The following GALNT13 variants were observed in gnomAD, a reference collection of about 807,000 sequenced individuals.
GALNT13 encodes the protein polypeptide N-acetylgalactosaminyltransferase 13.
GALNT13 carries 28 observed loss-of-function variants against 64.2 expected under a neutral mutation model. The ratio of observed to expected loss-of-function variants is 0.44; its 90% CI spans 0.32 to 0.60. The LOEUF (loss-of-function observed/expected upper bound fraction) is 0.60. GALNT13 is among the 20% of genes least tolerant of loss of function. The pLI is 0.05. For missense variants in GALNT13, 577 were observed against 669.8 expected (o/e 0.86, Z 1.53); for synonymous variants, 214 against 224.6 (o/e 0.95, Z 0.42).
chr2:153,457,256 A>C, the GALNT13 span, among the ~76,000 whole-genome samples: 1 of 152,226 alleles, frequency 6.6e-6, no homozygotes, highest in Non-Finnish European at 1.5e-5. Context: ...ACTTTCATAA[A>C]GTAGGTAAAT....
chr2:153,968,472 A>AGTAGGGG (rs1693527380), intron 3 of GALNT13, among the ~76,000 whole-genome samples: 1 of 152,160 alleles, frequency 6.6e-6, no homozygotes, highest in African/African-American at 2.4e-5. Flanking sequence ...GTTGTAGGCA[A>AGTAGGGG]TGCAAAACTC....
At chr2:153,195,436 T>G in the GALNT13 span, among the ~76,000 whole-genome samples, 766 of 152,330 alleles carry the variant, frequency 5.0e-3, 5 homozygotes, top group African/African-American at 0.018. Flanking sequence ...ACATGCTGGC[T>G]GCTGCTGCAG....
chr2:153,136,932 A>G, the GALNT13 span, among the ~76,000 whole-genome samples: 1,830 of 151,842 alleles, frequency 0.012, 41 homozygotes, highest in African/African-American at 0.04. Context: ...ACACAGCTCC[A>G]TCTGCCTGTC....
the GALNT13 span, among the ~76,000 whole-genome samples, chr2:153,411,400 A>C: frequency 6.6e-6 from 1 of 152,168 alleles, no homozygotes; most frequent in Non-Finnish European, 1.5e-5. Flanking sequence ...GGGACCACAC[A>C]GGAATGGTAC....
At chr2:153,534,085 C>A in the GALNT13 span, among the ~76,000 whole-genome samples, 1 of 152,140 alleles carries the variant, frequency 6.6e-6, no homozygotes, top group East Asian at 1.9e-4. Flanking sequence ...TTCTTGCATG[C>A]TGCCTACTTT....
rs116257227 is a variant in GALNT13, at chr2:153,887,929, C to T, written c.-176-13007C>T. ...TTGTATATTTCTTATTCTTTAAAGA[C>T]ACAGATTTTATTTTCGGTATGTGAT... is the stretch of plus-strand genomic sequence containing the variant. On this transcript the variant is annotated intron_variant, in intron 1 of 12. Coordinates refer to ENST00000392825, the MANE Select transcript of GALNT13 (RefSeq NM_052917.4). Among the ~76,000 whole-genome samples the T allele has an allele frequency of 7.4e-3, 1,128 of 152,046 alleles. 20 individuals are homozygous for T. The highest frequency in any genetic ancestry group is 0.026 in the African/African-American group (1,063 of 41,510).
At chr2:153,700,425 C>G in the GALNT13 span, among the ~76,000 whole-genome samples, 3 of 152,122 alleles carry the variant, frequency 2.0e-5, no homozygotes, top group Admixed American at 6.5e-5. Flanking sequence ...CCTTTGAAAA[C>G]TGGCACAAGA....
the GALNT13 span, among the ~76,000 whole-genome samples, chr2:153,579,223 G>A: frequency 6.6e-6 from 1 of 152,080 alleles, no homozygotes; most frequent in Non-Finnish European, 1.5e-5. Flanking sequence ...ATCTAACCAG[G>A]ACATCAAAGG....
At chr2:153,481,270 A>G in the GALNT13 span, among the ~76,000 whole-genome samples, 1 of 152,142 alleles carries the variant, frequency 6.6e-6, no homozygotes, top group African/African-American at 2.4e-5. Flanking sequence ...TATATTTATT[A>G]TTCATTCATT....
intron 9 of GALNT13, among the ~76,000 whole-genome samples, chr2:154,395,134 T>C (rs1040444775): frequency 3.3e-5 from 5 of 152,196 alleles, no homozygotes; most frequent in African/African-American, 7.2e-5. Flanking sequence ...AAGTTAAACA[T>C]TGAAATATTT....
chr2:153,759,553 T>A, the GALNT13 span, among the ~76,000 whole-genome samples: 1 of 152,050 alleles, frequency 6.6e-6, no homozygotes, highest in South Asian at 2.1e-4. Flanking sequence ...CTGCCTCTAA[T>A]GAGATTGATC....
At chr2:153,970,146 G>A (rs995983159) in intron 3 of GALNT13, among the ~76,000 whole-genome samples, 1 of 152,182 alleles carries the variant, frequency 6.6e-6, no homozygotes, top group Non-Finnish European at 1.5e-5. Flanking sequence ...CTGTACTCAT[G>A]GTCTCTGAAT....
At chr2:153,720,215 C>T in the GALNT13 span, among the ~76,000 whole-genome samples, 47 of 145,660 alleles carry the variant, frequency 3.2e-4, 1 homozygote, top group East Asian at 8.1e-4. Flanking sequence ...ACACCTCACA[C>T]GGCAGGGTAT....
chr2:154,117,590 C>T (rs1278944848), intron 3 of GALNT13, among the ~76,000 whole-genome samples: 9 of 152,132 alleles, frequency 5.9e-5, no homozygotes, highest in African/African-American at 1.7e-4. Context: ...CTGCAAATGC[C>T]GTTAATTTGT....
chr2:153,152,340 G>T, the GALNT13 span, among the ~76,000 whole-genome samples: 1 of 151,942 alleles, frequency 6.6e-6, no homozygotes, highest in African/African-American at 2.4e-5. Context: ...GTAAAATATT[G>T]AACTCAACTG....
the GALNT13 span, among the ~76,000 whole-genome samples, chr2:153,350,836 T>A: frequency 3.6e-4 from 55 of 152,304 alleles, no homozygotes; most frequent in South Asian, 0.011. Context: ...TAAGAACAAA[T>A]GACCTATTCA....
chr2:153,960,548 G>A (rs558247401), intron 3 of GALNT13, among the ~76,000 whole-genome samples: 27 of 152,264 alleles, frequency 1.8e-4, no homozygotes, highest in African/African-American at 6.5e-4. Flanking sequence ...ATTTTTAATT[G>A]CATACAGATT....
chr2:154,310,228 C>T (rs1362486899), intron 9 of GALNT13, among the ~76,000 whole-genome samples: 5 of 152,092 alleles, frequency 3.3e-5, no homozygotes, highest in Non-Finnish European at 7.4e-5. Flanking sequence ...TTCTTACCCC[C>T]ACTAAATGAT....
At chr2:154,178,007 G>C (rs774722372) in intron 4 of GALNT13, among the ~76,000 whole-genome samples, 5 of 152,112 alleles carry the variant, frequency 3.3e-5, no homozygotes, top group Non-Finnish European at 7.4e-5. Flanking sequence ...AGCAGAATTG[G>C]TATTAATTCA....
Sources: gnomAD v4.1 joint callset for allele counts (sites outside exome capture counted in the v4.1 genomes callset) on GRCh38, gnomAD v4.1.1 for gene constraint, MANE v1.5 for transcripts, NCBI Gene and HGNC (gene_info 2026-07-23, HGNC 2026-07-21) for gene names.